Variants in SPAG17 observed in about 807,000 individuals in gnomAD.
SPAG17 encodes sperm-associated antigen 17.
A neutral mutation model predicts 273.6 loss-of-function variants in SPAG17; 169 were observed. That is an observed-to-expected ratio of 0.62 (90% CI 0.55 to 0.70). The LOEUF (loss-of-function observed/expected upper bound fraction) is 0.70. Ranked by LOEUF, SPAG17 falls within the 30% of genes least tolerant of loss-of-function variation. The pLI is 0.00. For missense variants in SPAG17, 2,557 were observed against 2,627.8 expected (o/e 0.97, Z 0.59); for synonymous variants, 825 against 873.2 (o/e 0.94, Z 0.97).
intron 48 of SPAG17, among the ~76,000 whole-genome samples, chr1:117,955,635 C>A (rs1471395660): frequency 6.6e-6 from 1 of 151,792 alleles, no homozygotes; most frequent in Non-Finnish European, 1.5e-5. Context: ...TTAGAAGCAC[C>A]AATTGTTAAT....
intron 1 of SPAG17, among the ~76,000 whole-genome samples, chr1:118,170,290 C>T (rs1268304502): frequency 1.3e-5 from 2 of 152,156 alleles, no homozygotes; most frequent in South Asian, 2.1e-4. Context: ...TCTATTAATA[C>T]TTGTGTTCTA....
At chr1:118,158,768 C>T (rs1006784493) in intron 1 of SPAG17, among the ~76,000 whole-genome samples, 3 of 152,128 alleles carry the variant, frequency 2.0e-5, no homozygotes, top group East Asian at 1.9e-4. Flanking sequence ...TATATATATA[C>T]ACACCCAGAG....
In SPAG17 at chr1:118,057,062, C is replaced by T. The variant is rs569044924; in HGVS notation, c.2541-1148G>A. ...CTACCACTTGGTTCACTGCAACCTCCGCCTCCCGGGTTCAAGCAATTCTCC... is the reference window on the plus strand; with the variant it reads ...CTACCACTTGGTTCACTGCAACCTCTGCCTCCCGGGTTCAAGCAATTCTCC... On this transcript the variant is annotated intron_variant, in intron 18 of 48. Coordinates refer to ENST00000336338, the MANE Select transcript of SPAG17 (RefSeq NM_206996.4). Among the ~76,000 whole-genome samples, 17 of 152,026 alleles carry T rather than the reference C, an allele frequency of 1.1e-4. No homozygotes were observed. In the East Asian group the frequency reaches 2.5e-3, roughly 22 times the overall value.
Position 117,981,196 on chromosome 1 carries a change from G to C in SPAG17, c.6004+74C>G. On this transcript the variant is annotated intron_variant, in intron 43 of 48. Transcript: ENST00000336338. ...CTGTAACTCTCAACCTCGCCTCCTAGCGCCATCTCCCATATGCCAAAAAGA... is the reference window on the plus strand; with the variant it reads ...CTGTAACTCTCAACCTCGCCTCCTACCGCCATCTCCCATATGCCAAAAAGA... 2.8e-6 allele frequency: 4 copies of C among 1,451,792 alleles called. No homozygotes were observed. The South Asian group carries it at 4.6e-5, about 17-fold the overall frequency. 89.9% of individuals were successfully genotyped at this position (1,451,792 alleles called of 1,614,324 possible).
At chr1:118,155,525 C>T (rs1399647198) in intron 1 of SPAG17, among the ~76,000 whole-genome samples, 1 of 152,130 alleles carries the variant, frequency 6.6e-6, no homozygotes, top group East Asian at 1.9e-4. Context: ...CTTCTGCTGC[C>T]TTTGCTAGTA....
intron 20 of SPAG17, among the ~76,000 whole-genome samples, chr1:118,047,724 C>T (rs1019438693): frequency 1.3e-5 from 2 of 152,248 alleles, no homozygotes; most frequent in Admixed American, 1.3e-4. Flanking sequence ...TAATACCAGG[C>T]AAACCTCTGC....
chr1:117,972,616 C>T (rs1654689748), intron 44 of SPAG17, among the ~76,000 whole-genome samples: 1 of 152,122 alleles, frequency 6.6e-6, no homozygotes, highest in African/African-American at 2.4e-5. Flanking sequence ...ATGCCCTACA[C>T]CAGATCTAGT....
Position 117,954,628 on chromosome 1 carries a change from G to GTATA in SPAG17, c.*1-580_*1-579insTATA, listed in dbSNP as rs1557826251. 15 of 1,612,094 alleles carry GTATA rather than the reference G, an allele frequency of 9.3e-6. 1 individual carries two copies. Among genetic ancestry groups the GTATA allele is most frequent in the Non-Finnish European group, 1.3e-5 (15 of 1,178,948 alleles). Reference sequence around the variant, plus strand: ...CCTAATGGCTTATGGCAGTATCTCAGTGAGTAAAATGTCTAACGGTTTTCC... The same window carrying GTATA: ...CCTAATGGCTTATGGCAGTATCTCAGTATATGAGTAAAATGTCTAACGGTTTTCC... On this transcript the variant is annotated intron_variant, in intron 48 of 48. Coordinates refer to ENST00000336338, the MANE Select transcript of SPAG17 (RefSeq NM_206996.4).
intron 4 of SPAG17, among the ~76,000 whole-genome samples, chr1:118,114,904 C>T (rs1656982516): frequency 2.0e-5 from 3 of 152,240 alleles, no homozygotes; most frequent in Non-Finnish European, 4.4e-5. Flanking sequence ...TTTTAAAAGG[C>T]ACTTCTATAG....
At position 117,987,862 on chromosome 1, in the gene SPAG17, G is replaced by A. The variant is rs763285498; in HGVS notation, c.5641C>T (p.Arg1881Cys). 5.6e-6 allele frequency: 9 copies of A among 1,613,804 alleles called. No individual in the cohort carries two copies. Among genetic ancestry groups the A allele is most frequent in the Admixed American group, 1.7e-5 (1 of 59,966 alleles). The change falls in exon 40 of 49, where the codon CGC becomes TGC. Residue 1881 changes from arginine (R) to cysteine (C), a missense_variant. Arg to Cys is a radical substitution (Grantham distance 180, BLOSUM62 -3). Coordinates refer to ENST00000336338, the MANE Select transcript of SPAG17 (RefSeq NM_206996.4). ...GTTTTGTCTATCTTTTCTTTCCAGC[G>A]TTTTGAGGATGCTGTGTGTCTATGT... ...KTWRHTASSK[R>C]WKEKIDKTRK...
At chr1:118,002,817 C>T (rs918460600) in intron 32 of SPAG17, among the ~76,000 whole-genome samples, 1 of 152,076 alleles carries the variant, frequency 6.6e-6, no homozygotes, top group African/African-American at 2.4e-5. Context: ...GGCATTTAGC[C>T]CATTTACATT....
At chr1:117,986,248 A>T (rs1656390760) in intron 40 of SPAG17, among the ~76,000 whole-genome samples, 1 of 152,212 alleles carries the variant, frequency 6.6e-6, no homozygotes, top group African/African-American at 2.4e-5. Context: ...TCATCGATCT[A>T]CGGCAGTCTG....
At chr1:118,064,157 C>A (rs961840494) in intron 18 of SPAG17, among the ~76,000 whole-genome samples, 1 of 152,084 alleles carries the variant, frequency 6.6e-6, no homozygotes, top group African/African-American at 2.4e-5. Flanking sequence ...ACTAGTTCAA[C>A]CATTGTGGAA....
intron 1 of SPAG17, among the ~76,000 whole-genome samples, chr1:118,179,754 C>G (rs1293544264): frequency 1.3e-5 from 2 of 151,708 alleles, no homozygotes; most frequent in East Asian, 3.9e-4. Flanking sequence ...GAAAAAACCC[C>G]AAATAATCTG....
intron 13 of SPAG17, among the ~76,000 whole-genome samples, chr1:118,083,699 C>T (rs1654777703): frequency 6.6e-6 from 1 of 152,028 alleles, no homozygotes; most frequent in African/African-American, 2.4e-5. Context: ...GTGGGAGAAT[C>T]GCTTGAACCC....
rs928539850 is a variant in SPAG17, at chr1:118,023,535, G to C, written c.3910-72C>G. On this transcript the variant is annotated intron_variant, in intron 27 of 48. Coordinates refer to ENST00000336338, the MANE Select transcript of SPAG17 (RefSeq NM_206996.4). Reference sequence around the variant, plus strand: ...GGTTGTTTAACAATAAACGCTGTGTGTCAAATGGAAATAGCTTCAAAATGA... The same window carrying C: ...GGTTGTTTAACAATAAACGCTGTGTCTCAAATGGAAATAGCTTCAAAATGA... 6 of 1,439,138 alleles carry C rather than the reference G, an allele frequency of 4.2e-6. No homozygotes were observed. In the African/African-American group the frequency reaches 7.1e-5, roughly 17 times the overall value. The allele number at this position is 1,439,138 out of a possible 1,614,324, so 89.1% of individuals were successfully genotyped here.
rs772811572 is a variant in SPAG17 at position 118,185,153 on chromosome 1, G to A, written c.5C>T (p.Ala2Val). The change falls in exon 1 of 49, where the codon GCA becomes GTA. Residue 2 changes from alanine (A) to valine (V), a missense_variant. Transcript: ENST00000336338. ...AGTTCCTCCTTTCTCCTTCTTGGGTGCCATGCAAAGGACGGGAGAAGCATT... is the reference window on the plus strand; with the variant it reads ...AGTTCCTCCTTTCTCCTTCTTGGGTACCATGCAAAGGACGGGAGAAGCATT... M[A>V]PKKEKGGTVN... 1.2e-6 allele frequency: 2 copies of A among 1,613,504 alleles called. No homozygotes were observed. The highest frequency in any genetic ancestry group is 1.7e-6 in the Non-Finnish European group (2 of 1,179,428).
Position 118,041,922 on chromosome 1 carries a change from C to T in SPAG17, c.2935G>A (p.Asp979Asn). 2 of 1,613,954 alleles carry T rather than the reference C, an allele frequency of 1.2e-6. No individual in the cohort carries two copies. Among genetic ancestry groups the T allele is most frequent in the Non-Finnish European group, 8.5e-7 (1 of 1,179,912 alleles). ...GATTTTTTCTTCAAAGACCTACTAT[C>T]CTCTTTCTCTGCGTTATCCTTGCCT... ...KKGKDNAEKE[D>N]SRSLKKKSPY... The change falls in exon 21 of 49, where the codon GAT becomes AAT. Residue 979 changes from aspartate to asparagine, a missense_variant. By Grantham distance (23) the Asp-to-Asn change is conservative. Transcript: ENST00000336338.
chr1:118,128,523 G>T (rs903049199), intron 3 of SPAG17, among the ~76,000 whole-genome samples: 1 of 152,160 alleles, frequency 6.6e-6, no homozygotes, highest in Admixed American at 6.5e-5. Context: ...TCGTAGAAAT[G>T]ACTCAGGCTG....
Sources: allele counts gnomAD v4.1 joint callset (sites outside exome capture counted in the v4.1 genomes callset), GRCh38; gene constraint gnomAD v4.1.1; transcripts MANE v1.5; gene names NCBI Gene and HGNC (gene_info 2026-07-23, HGNC 2026-07-21).